SLCO6A1: variants seen among roughly 807,000 people sequenced by gnomAD.
SLCO6A1 encodes the protein cancer/testis antigen 48.
Under a neutral mutation model 72.7 loss-of-function variants are expected in SLCO6A1, and 65 were observed. The observed-to-expected ratio is 0.89, with a 90% CI of 0.73 to 1.10. The LOEUF is 1.10. Ranked by LOEUF, SLCO6A1 falls within the 50% of genes least tolerant of loss-of-function variation. SLCO6A1 has a pLI of 0.00. For missense variants in SLCO6A1, 874 were observed against 872.6 expected (o/e 1.00, Z -0.02); for synonymous variants, 314 against 298.2 (o/e 1.05, Z -0.55).
chr5:102,383,351 T>A (rs1183540714), intron 12 of SLCO6A1, among the ~76,000 whole-genome samples: 1 of 151,554 alleles, frequency 6.6e-6, no homozygotes. Flanking sequence ...TATATTTGCT[T>A]TATTGTGTTA....
intron 6 of SLCO6A1, among the ~76,000 whole-genome samples, chr5:102,443,708 T>C (rs1283164756): frequency 6.6e-6 from 1 of 152,210 alleles, no homozygotes; most frequent in East Asian, 1.9e-4. Flanking sequence ...ATATTAAGAA[T>C]GCCATAGATT....
At chr5:102,457,843 G>C (rs1750811570) in intron 6 of SLCO6A1, among the ~76,000 whole-genome samples, 1 of 152,102 alleles carries the variant, frequency 6.6e-6, no homozygotes, top group Non-Finnish European at 1.5e-5. Context: ...CAAAGACTTG[G>C]AACCAACCAA....
intron 7 of SLCO6A1, among the ~76,000 whole-genome samples, chr5:102,435,868 T>G (rs992139050): frequency 1.4e-5 from 2 of 144,040 alleles, no homozygotes; most frequent in Non-Finnish European, 3.0e-5. Flanking sequence ...AGAGTGAAAC[T>G]CCATCTCAAA....
chr5:102,382,113 T>C (rs1342183600), intron 12 of SLCO6A1, among the ~76,000 whole-genome samples: 1 of 151,754 alleles, frequency 6.6e-6, no homozygotes, highest in African/African-American at 2.4e-5. Flanking sequence ...TTTTGTTGCC[T>C]ATGCTTTTTA....
At chr5:102,494,392 CA>C (rs1752818848) in intron 1 of SLCO6A1, among the ~76,000 whole-genome samples, 1 of 151,892 alleles carries the variant, frequency 6.6e-6, no homozygotes, top group Admixed American at 6.5e-5. Context: ...TGATAGAAGC[CA>C]AAAAGAATGA....
At chr5:102,376,736 A>T (rs141969257) in intron 12 of SLCO6A1, among the ~76,000 whole-genome samples, 1 of 152,212 alleles carries the variant, frequency 6.6e-6, no homozygotes, top group African/African-American at 2.4e-5. Flanking sequence ...CTAGGTGTAC[A>T]TGAATAATTC....
chr5:102,421,288 G>A (rs977313504), intron 7 of SLCO6A1, among the ~76,000 whole-genome samples: 4 of 152,056 alleles, frequency 2.6e-5, no homozygotes, highest in African/African-American at 4.8e-5. Context: ...CACTCCCCTG[G>A]AAACGGAGCC....
At chr5:102,460,431 T>A (rs1166686323) in intron 4 of SLCO6A1, among the ~76,000 whole-genome samples, 1 of 152,162 alleles carries the variant, frequency 6.6e-6, no homozygotes, top group Non-Finnish European at 1.5e-5. Flanking sequence ...AGTCGAGGAT[T>A]CTATGCTGGG....
chr5:102,383,818 C>G (rs964069536), intron 12 of SLCO6A1, among the ~76,000 whole-genome samples: 1 of 151,762 alleles, frequency 6.6e-6, no homozygotes, highest in South Asian at 2.1e-4. Context: ...GTGAAGTCAT[C>G]GACTCCTATG....
intron 7 of SLCO6A1, among the ~76,000 whole-genome samples, chr5:102,424,811 A>C (rs1460775182): frequency 6.6e-6 from 1 of 152,116 alleles, no homozygotes; most frequent in East Asian, 1.9e-4. Context: ...TGGCATAGAC[A>C]AAACAACAAA....
chr5:102,469,805 T>C (rs1751508451), intron 4 of SLCO6A1, among the ~76,000 whole-genome samples: 1 of 152,158 alleles, frequency 6.6e-6, no homozygotes, highest in Admixed American at 6.6e-5. Context: ...TTGTCATAAA[T>C]AGTTCTTATT....
In SLCO6A1 at chr5:102,385,104, C is replaced by A. The variant is rs146769500; in HGVS notation, c.2017+3584G>T. 2.1e-3 allele frequency among the ~76,000 whole-genome samples: 322 copies of A among 152,182 alleles called. 13 individuals carry two copies. The East Asian group carries it at 0.049, about 23-fold the overall frequency. ...TCTCAGGTGTAGTATTCTTGGCTGG[C>A]AGTTTCTTTCTTTCAGCACGTTAAA... is the stretch of plus-strand genomic sequence containing the variant. On this transcript the variant is annotated intron_variant, in intron 12 of 13. Coordinates refer to ENST00000506729, the MANE Select transcript of SLCO6A1 (RefSeq NM_173488.5).
intron 7 of SLCO6A1, among the ~76,000 whole-genome samples, chr5:102,435,457 C>T (rs979899169): frequency 2.6e-5 from 4 of 152,260 alleles, no homozygotes; most frequent in Admixed American, 6.5e-5. Flanking sequence ...TCCTCTCACA[C>T]GGTCTAACAG....
intron 7 of SLCO6A1, among the ~76,000 whole-genome samples, chr5:102,420,720 A>G (rs1411815731): frequency 6.6e-6 from 1 of 152,196 alleles, no homozygotes; most frequent in Non-Finnish European, 1.5e-5. Context: ...GAATTTAACA[A>G]GAAAAACATA....
chr5:102,402,521 G>A (rs889230644), intron 9 of SLCO6A1, among the ~76,000 whole-genome samples: 2 of 152,130 alleles, frequency 1.3e-5, no homozygotes, highest in African/African-American at 4.8e-5. Context: ...GCCACAGACT[G>A]AGTAACTTAT....
chr5:102,443,140 T>C (rs917132249), intron 6 of SLCO6A1, among the ~76,000 whole-genome samples: 1 of 152,010 alleles, frequency 6.6e-6, no homozygotes, highest in African/African-American at 2.4e-5. Flanking sequence ...GAGCTTGCAA[T>C]GAGCTGAGAT....
At chr5:102,412,905 A>G (rs1748065309) in intron 9 of SLCO6A1, 85 bp downstream of exon 9, 2 of 561,984 alleles carry the variant, frequency 3.6e-6, no homozygotes, top group Non-Finnish European at 5.2e-6. Flanking sequence ...ATTTCACTAA[A>G]GAGGAAGAAG....
chr5:102,385,924 C>A (rs1746394391), intron 12 of SLCO6A1, among the ~76,000 whole-genome samples: 1 of 151,482 alleles, frequency 6.6e-6, no homozygotes, highest in African/African-American at 2.4e-5. Flanking sequence ...CCTCAGCCTG[C>A]CAAGCCTCTC....
intron 2 of SLCO6A1, among the ~76,000 whole-genome samples, chr5:102,479,129 GACTGGATC>G (rs1213067726): frequency 1.3e-5 from 2 of 152,132 alleles, no homozygotes; most frequent in Admixed American, 1.3e-4. Context: ...GGTGGGAGGT[GACTGGATC>G]ACGGGAGCAG....
Sources: allele counts gnomAD v4.1 joint callset (sites outside exome capture counted in the v4.1 genomes callset), GRCh38; gene constraint gnomAD v4.1.1; transcripts MANE v1.5; gene names NCBI Gene and HGNC (gene_info 2026-07-23, HGNC 2026-07-21).